PLXDC2: variants seen among roughly 807,000 people sequenced by gnomAD.
The protein encoded by PLXDC2 is plexin domain containing 2, also known as plexin domain-containing protein 2.
PLXDC2 carries 40 observed loss-of-function variants against 68.9 expected under a neutral mutation model. The observed-to-expected ratio is 0.58, with a 90% CI of 0.45 to 0.76. The LOEUF (loss-of-function observed/expected upper bound fraction) is 0.76, where lower values mean the gene tolerates loss of function less well. PLXDC2 is among the 30% of genes least tolerant of loss of function. The pLI, the probability that PLXDC2 is intolerant of heterozygous loss-of-function variation, is 0.00. For missense variants in PLXDC2, 644 were observed against 661.9 expected (o/e 0.97, Z 0.30); for synonymous variants, 243 against 234.2 (o/e 1.04, Z -0.34).
chr10:19,850,542 G>A (rs1258956756), intron 1 of PLXDC2, among the ~76,000 whole-genome samples: 7 of 152,042 alleles, frequency 4.6e-5, no homozygotes, highest in East Asian at 3.9e-4. Context: ...TCTCATGAAC[G>A]TTTCATCACG....
chr10:20,241,729 A>G (rs983869064), intron 12 of PLXDC2, among the ~76,000 whole-genome samples: 3 of 152,226 alleles, frequency 2.0e-5, no homozygotes, highest in Non-Finnish European at 4.4e-5. Flanking sequence ...CAGTGAGTCA[A>G]GATCACACCA....
chr10:19,872,618 G>A (rs568891884), intron 1 of PLXDC2, among the ~76,000 whole-genome samples: 5 of 152,286 alleles, frequency 3.3e-5, no homozygotes, highest in East Asian at 1.9e-4. Flanking sequence ...AATGTGGTTC[G>A]GAGTTTGGGA....
intron 1 of PLXDC2, among the ~76,000 whole-genome samples, chr10:19,907,282 C>T (rs1026326010): frequency 8.5e-5 from 13 of 152,148 alleles, no homozygotes; most frequent in African/African-American, 3.1e-4. Flanking sequence ...TTTAAAAAAG[C>T]TTAAGGTTTA....
intron 2 of PLXDC2, among the ~76,000 whole-genome samples, chr10:20,032,665 A>G (rs549695123): frequency 1.0e-3 from 156 of 152,094 alleles, no homozygotes; most frequent in Admixed American, 1.8e-3. Flanking sequence ...CGGAGAGAAC[A>G]TTGACTCTGG....
intron 9 of PLXDC2, among the ~76,000 whole-genome samples, chr10:20,187,407 C>T (rs936969601): frequency 3.3e-5 from 5 of 151,560 alleles, no homozygotes; most frequent in African/African-American, 4.8e-5. Context: ...TATTTTAATA[C>T]AGGTATACAA....
At chr10:19,862,826 G>A (rs188853037) in intron 1 of PLXDC2, among the ~76,000 whole-genome samples, 7 of 152,172 alleles carry the variant, frequency 4.6e-5, no homozygotes, top group African/African-American at 9.6e-5. Flanking sequence ...TTTCATTGCC[G>A]TGAGTCCCCA....
chr10:20,127,976 T>C (rs1323912638), intron 4 of PLXDC2, among the ~76,000 whole-genome samples: 1 of 152,208 alleles, frequency 6.6e-6, no homozygotes, highest in Non-Finnish European at 1.5e-5. Flanking sequence ...GTAGAGCTGT[T>C]CTAGACAGTA....
chr10:19,988,776 CTTTTTTTTTTTTTTTTT>C (rs552950916), intron 1 of PLXDC2, among the ~76,000 whole-genome samples: 16 of 45,492 alleles, frequency 3.5e-4, no homozygotes, highest in South Asian at 3.4e-3. Context: ...AATAATGCCA[CTTTTTTTTTTTTTTTTT>C]TTTTTTTTTT....
intron 4 of PLXDC2, among the ~76,000 whole-genome samples, chr10:20,072,836 A>T (rs1159182866): frequency 6.6e-6 from 1 of 152,232 alleles, no homozygotes; most frequent in Non-Finnish European, 1.5e-5. Context: ...ACTAGGATGC[A>T]GTGAATCAAG....
intron 1 of PLXDC2, among the ~76,000 whole-genome samples, chr10:19,908,061 TAA>T (rs1169980932): frequency 6.6e-6 from 1 of 152,114 alleles, no homozygotes; most frequent in Non-Finnish European, 1.5e-5. Flanking sequence ...ATGAAACAAT[TAA>T]AAAATAGTTT....
chr10:19,991,822 T>C (rs1564649768), intron 1 of PLXDC2, among the ~76,000 whole-genome samples: 1 of 152,198 alleles, frequency 6.6e-6, no homozygotes, highest in Non-Finnish European at 1.5e-5. Context: ...ATTAAAAGAA[T>C]TGATTACATC....
chr10:20,044,126 C>CCTTCCTTCCTTCCTT (rs1564293709), intron 2 of PLXDC2, among the ~76,000 whole-genome samples: 170 of 14,956 alleles, frequency 0.011, 4 homozygotes, highest in African/African-American at 0.039. Flanking sequence ...CTTCCTTCCT[C>CCTTCCTTCCTTCCTT]CCTCCCTCCC....
At chr10:19,864,895 C>T (rs1837385409) in intron 1 of PLXDC2, among the ~76,000 whole-genome samples, 1 of 152,090 alleles carries the variant, frequency 6.6e-6, no homozygotes, top group Non-Finnish European at 1.5e-5. Flanking sequence ...GGCTTCCTCC[C>T]CTGAGTTTGG....
intron 3 of PLXDC2, 39 bp from the exon 4 acceptor site, chr10:20,068,131 C>T (rs1437311119): frequency 9.8e-6 from 15 of 1,535,872 alleles, no homozygotes; most frequent in Non-Finnish European, 1.3e-5. Context: ...GACTATGCTA[C>T]ACATTATTGA....
At chr10:19,870,519 G>A (rs142575713) in intron 1 of PLXDC2, among the ~76,000 whole-genome samples, 6,098 of 151,998 alleles carry the variant, frequency 0.04, 186 homozygotes, top group East Asian at 0.14. Context: ...TCTGCCTCCC[G>A]GGTTCAAGTG....
At chr10:19,823,225 GATATACATATATATGTACATATGCATAC>G (rs1442927967) in intron 1 of PLXDC2, among the ~76,000 whole-genome samples, 2 of 152,012 alleles carry the variant, frequency 1.3e-5, no homozygotes, top group African/African-American at 4.8e-5. Context: ...CTTAAAATAT[GATATACATATATATGTACATATGCATAC>G]ATATATGGTG....
chr10:19,877,098 T>C (rs975291443), intron 1 of PLXDC2, among the ~76,000 whole-genome samples: 2 of 152,208 alleles, frequency 1.3e-5, no homozygotes, highest in African/African-American at 4.8e-5. Flanking sequence ...CTGAATTCTG[T>C]GGTGGTAAAA....
At chr10:19,847,939 A>G (rs1264049269) in intron 1 of PLXDC2, among the ~76,000 whole-genome samples, 2 of 152,154 alleles carry the variant, frequency 1.3e-5, no homozygotes, top group Admixed American at 6.6e-5. Context: ...AGAACTATTC[A>G]TTGTATATAC....
chr10:19,885,371 G>A (rs1251450126), intron 1 of PLXDC2, among the ~76,000 whole-genome samples: 3 of 151,814 alleles, frequency 2.0e-5, no homozygotes, highest in African/African-American at 7.3e-5. Context: ...GATCCCATTT[G>A]TCAATTTTGG....
Sources: allele counts gnomAD v4.1 joint callset (sites outside exome capture counted in the v4.1 genomes callset), GRCh38; gene constraint gnomAD v4.1.1; transcripts MANE v1.5; gene names NCBI Gene and HGNC (gene_info 2026-07-23, HGNC 2026-07-21).